Variants in TERT observed in about 807,000 individuals in gnomAD.
TERT encodes telomerase catalytic subunit.
A neutral mutation model predicts 104.0 loss-of-function variants in TERT; 42 were observed. That is an observed-to-expected ratio of 0.40 (90% CI 0.32 to 0.52). The LOEUF (loss-of-function observed/expected upper bound fraction) is 0.52. Among genes scored for constraint, TERT ranks in the 20% least tolerant of loss-of-function variants. The probability of loss-of-function intolerance (pLI) is 0.43; values close to 1 mark genes in which losing one functional copy is unlikely to be tolerated. For synonymous variants in TERT, 781 were observed against 725.6 expected (o/e 1.08, Z -1.23); for missense variants, 1,101 against 1,610.3 (o/e 0.68, Z 5.41).
At chr5:1,279,844 C>A (rs890641001) in intron 4 of TERT, among the ~76,000 whole-genome samples, 1 of 152,194 alleles carries the variant, frequency 6.6e-6, no homozygotes, top group Admixed American at 6.5e-5. Context: ...CGGAAGCGCA[C>A]GGAGGCTGCG....
At position 1,286,693 on chromosome 5, in the gene TERT, C is replaced by T. The variant is rs1443594148; in HGVS notation, c.1574-4069G>A. On this transcript the variant is annotated intron_variant, in intron 2 of 15. Coordinates refer to ENST00000310581, the MANE Select transcript of TERT (RefSeq NM_198253.3). The surrounding 1 kb of genome is among the most constrained non-coding windows in gnomAD (Gnocchi z 5.3). ...AGGAGTTTGAGACCAGCCTGGCCAA[C>T]ATGGTGAAAGCCTATCTCTACTAAA... 6.6e-6 allele frequency among the ~76,000 whole-genome samples: 1 copy of T among 152,112 alleles called. No homozygotes were observed. The highest frequency in any genetic ancestry group is 1.5e-5 in the Non-Finnish European group (1 of 68,020).
At chr5:1,289,078 G>A (rs962118459) in intron 2 of TERT, among the ~76,000 whole-genome samples, 5 of 151,960 alleles carry the variant, frequency 3.3e-5, no homozygotes, top group Non-Finnish European at 5.9e-5. Context: ...AAGGACACCT[G>A]GGGACAGAGC....
chr5:1,253,999 G>T (rs1191987064), intron 15 of TERT, among the ~76,000 whole-genome samples, 168 bp from the exon 16 acceptor site: 1 of 152,236 alleles, frequency 6.6e-6, no homozygotes, highest in Non-Finnish European at 1.5e-5. Context: ...GAGCAGACAG[G>T]CAGCCCAGTG....
Position 1,294,798 on chromosome 5 carries a change from C to T in TERT, c.192G>A (p.Pro64=), listed in dbSNP as rs930445607. 1 of 1,523,748 alleles carries T rather than the reference C, an allele frequency of 6.6e-7. No homozygotes were observed. The allele number at this position is 1,523,748 out of a possible 1,614,324, so 94.4% of individuals were successfully genotyped here. A position where few individuals can be genotyped will look rare whatever the true frequency, so the allele number is the denominator to read the frequency against. ...CLVCVPWDAR[P]PPAAPSFRQV... Reference sequence around the variant, plus strand: ...GGCGGAAGGAGGGGGCGGCGGGGGGCGGCCGTGCGTCCCAGGGCACGCACA... The same window carrying T: ...GGCGGAAGGAGGGGGCGGCGGGGGGTGGCCGTGCGTCCCAGGGCACGCACA... Residue 64 remains proline, a synonymous_variant, in exon 1 of 16, where the codon CCG becomes CCA. Coordinates refer to ENST00000310581, the MANE Select transcript of TERT (RefSeq NM_198253.3).
At position 1,293,305 on chromosome 5, in the gene TERT, C is replaced by G. The variant is rs1275583067; in HGVS notation, c.1573+8G>C. 6.2e-7 allele frequency: 1 copy of G among 1,612,528 alleles called. No homozygotes were observed. The highest frequency in any genetic ancestry group is 1.7e-5 in the Admixed American group (1 of 60,036). ...GGCCTGGGCCCTCGACGGCCACCAC[C>G]TCCTCACCTGGGCTCCTGCGCAGCC... On this transcript the variant is annotated splice_region_variant and intron_variant, in intron 2 of 15. Coordinates refer to ENST00000310581, the MANE Select transcript of TERT (RefSeq NM_198253.3).
intron 2 of TERT, among the ~76,000 whole-genome samples, chr5:1,291,270 G>C (rs1473034578): frequency 1.1e-5 from 1 of 88,918 alleles, no homozygotes; most frequent in Non-Finnish European, 2.2e-5. Context: ...CGGGGACAGC[G>C]CCTCACTCAC....
At chr5:1,260,429 C>G in intron 12 of TERT, 45 bp downstream of exon 12, 4 of 1,612,776 alleles carry the variant, frequency 2.5e-6, no homozygotes, top group Non-Finnish European at 3.4e-6. Flanking sequence ...CTTGCGCACA[C>G]ACCTCCTGAA....
In TERT at chr5:1,287,325, C is replaced by A. The variant is rs921526897; in HGVS notation, c.1574-4701G>T. On this transcript the variant is annotated intron_variant, in intron 2 of 15. Coordinates refer to ENST00000310581, the MANE Select transcript of TERT (RefSeq NM_198253.3). The surrounding 1 kb of genome is among the most constrained non-coding windows in gnomAD (Gnocchi z 4.3). ...GACCAGCCTGGGCAACACAGCAAGA[C>A]CCTGTCTCCAGAAAAAATTTAAAAA... Among the ~76,000 whole-genome samples the A allele has an allele frequency of 1.3e-5, 2 of 152,034 alleles. No individual in the cohort carries two copies. Among genetic ancestry groups the A allele is most frequent in the Non-Finnish European group, 2.9e-5 (2 of 68,000 alleles).
At chr5:1,272,112 G>A in intron 7 of TERT, 73 bp downstream of exon 7, 1 of 1,234,842 alleles carries the variant, frequency 8.1e-7, no homozygotes, top group Non-Finnish European at 1.2e-6. Context: ...GTCCGGTCAT[G>A]AGCCCAGTGA....
In TERT at chr5:1,261,979, C is replaced by A. The variant is rs576037664; in HGVS notation, c.2844-1379G>T. Reference sequence around the variant, plus strand: ...GGGCGCCTTAAATAAATCACGTGCACAAACGCTCCAGGGAATGGCCATTTT... The same window carrying A: ...GGGCGCCTTAAATAAATCACGTGCAAAAACGCTCCAGGGAATGGCCATTTT... On this transcript the variant is annotated intron_variant, in intron 11 of 15. Coordinates refer to ENST00000310581, the MANE Select transcript of TERT (RefSeq NM_198253.3). This position sits in a 1 kb window ranked among gnomAD's most constrained non-coding sequence, Gnocchi z 7.4. Among the ~76,000 whole-genome samples the A allele has an allele frequency of 1.7e-3, 263 of 152,310 alleles. No homozygotes were observed. The highest frequency in any genetic ancestry group is 2.9e-3 in the Non-Finnish European group (195 of 68,022).
In TERT at chr5:1,294,346, A is replaced by G. The variant is rs2126689382; in HGVS notation, c.540T>C (p.Ala180=). The G allele has an allele frequency of 6.3e-7, 1 of 1,577,594 alleles. No individual in the cohort carries two copies. Among genetic ancestry groups the G allele is most frequent in the East Asian group, 2.3e-5 (1 of 43,512 alleles). ...VCGPPLYQLG[A]ATQARPPPHA... is the part of the protein sequence containing the mutation. ...GTGGCGGGGGCCGGGCCTGAGTGGC[A>G]GCGCCGAGCTGGTACAGCGGCGGCC... The change falls in exon 2 of 16, where the codon GCT becomes GCC. Residue 180 remains alanine, a synonymous_variant. Coordinates refer to ENST00000310581, the MANE Select transcript of TERT (RefSeq NM_198253.3).
Position 1,294,577 on chromosome 5 carries a change from C to T in TERT, c.309G>A (p.Leu103=), listed in dbSNP as rs779738846. The part of the protein sequence containing the change: ...AKNVLAFGFA[L]LDGARGGPPE... ...GGGGGCCCCCGCGGGCCCCGTCCAGCAGCGCGAAGCCGAAGGCCAGCACGT... is the reference window on the plus strand; with the variant it reads ...GGGGGCCCCCGCGGGCCCCGTCCAGTAGCGCGAAGCCGAAGGCCAGCACGT... The change falls in exon 2 of 16, where the codon CTG becomes CTA. Residue 103 remains leucine (L), a synonymous_variant. Transcript: ENST00000310581. 2 of 1,588,702 alleles carry T rather than the reference C, an allele frequency of 1.3e-6. No individual in the cohort carries two copies. Among genetic ancestry groups the T allele is most frequent in the Admixed American group, 1.7e-5 (1 of 59,028 alleles).
chr5:1,263,062 T>C lies in TERT; in HGVS notation c.2843+1342A>G, dbSNP rs909011073. Among the ~76,000 whole-genome samples, 5 of 152,120 alleles carry C rather than the reference T, an allele frequency of 3.3e-5. No individual in the cohort carries two copies. Among genetic ancestry groups the C allele is most frequent in the Non-Finnish European group, 7.4e-5 (5 of 67,996 alleles). ...TGCAACAGGGACATGCTGGGCACCA[T>C]GCACAAGGGTGTCTGCACCTGCCAC... On this transcript the variant is annotated intron_variant, in intron 11 of 15. Transcript: ENST00000310581. The surrounding 1 kb of genome is among the most constrained non-coding windows in gnomAD (Gnocchi z 5.3).
chr5:1,279,926 G>T (rs907551550), intron 4 of TERT, among the ~76,000 whole-genome samples: 2 of 152,136 alleles, frequency 1.3e-5, no homozygotes, highest in Admixed American at 6.5e-5. Flanking sequence ...TGCTTCTTGT[G>T]GTCCTCAGAG....
In TERT at chr5:1,254,854, C is replaced by T. The variant is rs139318612; in HGVS notation, c.3158-349G>A. The stretch of plus-strand genomic sequence containing the variant: ...GGCGCGGGGCTCTGTCGTGGTGATA[C>T]GCGGCCTCTGCTCCTGAGAGGGGTG... On this transcript the variant is annotated intron_variant, in intron 14 of 15. Coordinates refer to ENST00000310581, the MANE Select transcript of TERT (RefSeq NM_198253.3). Among the ~76,000 whole-genome samples, 107 of 152,254 alleles carry T rather than the reference C, an allele frequency of 7.0e-4. No individual in the cohort carries two copies. The East Asian group carries it at 0.02, about 28-fold the overall frequency.
In TERT at chr5:1,261,371, G is replaced by A. The variant is rs905047562; in HGVS notation, c.2844-771C>T. On this transcript the variant is annotated intron_variant, in intron 11 of 15. Transcript: ENST00000310581. This position sits in a 1 kb window ranked among gnomAD's most constrained non-coding sequence, Gnocchi z 7.4. ...CTTAGCCCTGTATTTGGGCAGGTTC[G>A]TGACTTGCTGTGGCAAGTCCCCCTG... Among the ~76,000 whole-genome samples the A allele has an allele frequency of 1.7e-4, 26 of 152,106 alleles. No homozygotes were observed. The highest frequency in any genetic ancestry group is 6.5e-5 in the Admixed American group (1 of 15,270).
In TERT at chr5:1,255,305, G is replaced by A. The variant is rs865902243; in HGVS notation, c.3139C>T (p.Leu1047=). The change falls in exon 14 of 16, where the codon CTG becomes TTG. Residue 1047 remains leucine (L), a synonymous_variant. Transcript: ENST00000310581. The surrounding 1 kb of genome is among the most constrained non-coding windows in gnomAD (Gnocchi z 6.9). ...SDTASLCYSI[L]KAKNAGMSLG... The stretch of plus-strand genomic sequence containing the variant: ...CACATACCTGCGTTCTTGGCTTTCA[G>A]GATGGAGTAGCAGAGGGAGGCCGTG... The A allele has an allele frequency of 6.2e-7, 1 of 1,614,006 alleles. No homozygotes were observed. Among genetic ancestry groups the A allele is most frequent in the African/African-American group, 1.3e-5 (1 of 75,076 alleles).
intron 12 of TERT, among the ~76,000 whole-genome samples, chr5:1,259,025 G>C (rs2126574929): frequency 6.6e-6 from 1 of 150,476 alleles, no homozygotes; most frequent in East Asian, 2.0e-4. Context: ...GCCCACAGGA[G>C]AGGGGGAGTG....
rs577367869 is a variant in TERT at position 1,279,125 on chromosome 5, C to A, written c.2130+166G>T. Among the ~76,000 whole-genome samples, 4 of 152,320 alleles carry A rather than the reference C, an allele frequency of 2.6e-5. No homozygotes were observed. The South Asian group carries it at 8.3e-4, about 32-fold the overall frequency. On this transcript the variant is annotated intron_variant, in intron 5 of 15. Coordinates refer to ENST00000310581, the MANE Select transcript of TERT (RefSeq NM_198253.3). Reference sequence around the variant, plus strand: ...TCGGCCCCATGTGCTGCAGGAAAGGCTGAAGGCCTCCACCCTAGGTGCCAG... The same window carrying A: ...TCGGCCCCATGTGCTGCAGGAAAGGATGAAGGCCTCCACCCTAGGTGCCAG...
Sources: gnomAD v4.1 joint callset for allele counts (sites outside exome capture counted in the v4.1 genomes callset) on GRCh38, gnomAD v4.1.1 for gene constraint, Gnocchi (gnomAD v3.1) non-coding constraint, MANE v1.5 for transcripts, NCBI Gene and HGNC (gene_info 2026-07-23, HGNC 2026-07-21) for gene names.